The following CNTN5 variants were observed in gnomAD, a reference collection of about 807,000 sequenced individuals.
The protein encoded by CNTN5 is contactin 5.
Under a neutral mutation model 129.1 loss-of-function variants are expected in CNTN5, and 77 were observed. The ratio of observed to expected loss-of-function variants is 0.60; its 90% confidence interval spans 0.50 to 0.72. The LOEUF (loss-of-function observed/expected upper bound fraction) is 0.72. CNTN5 is among the 30% of genes least tolerant of loss of function. The probability of loss-of-function intolerance (pLI) is 0.00; values close to 1 mark genes in which losing one functional copy is unlikely to be tolerated. For synonymous variants in CNTN5, 509 were observed against 465.6 expected (o/e 1.09, Z -1.20); for missense variants, 1,478 against 1,328.8 (o/e 1.11, Z -1.75).
At chr11:100,104,982 GC>G (rs1304150366) in intron 13 of CNTN5, among the ~76,000 whole-genome samples, 8 of 152,176 alleles carry the variant, frequency 5.3e-5, no homozygotes. Context: ...GCAATAAGAA[GC>G]AGAGAAAGAT....
At chr11:99,830,641 T>A (rs1444929173) in intron 4 of CNTN5, among the ~76,000 whole-genome samples, 12 of 152,206 alleles carry the variant, frequency 7.9e-5, no homozygotes. Context: ...AAATACATCA[T>A]GTCAGTTTCC....
At chr11:99,622,252 G>A (rs1367470025) in intron 3 of CNTN5, among the ~76,000 whole-genome samples, 10 of 152,036 alleles carry the variant, frequency 6.6e-5, no homozygotes, top group East Asian at 3.9e-4. Flanking sequence ...ATATTCCAAC[G>A]ATTTAAAATA....
chr11:99,035,469 A>G (rs1863669430), intron 1 of CNTN5, among the ~76,000 whole-genome samples: 1 of 151,778 alleles, frequency 6.6e-6, no homozygotes, highest in South Asian at 2.1e-4. Flanking sequence ...TTGGGTGCAT[A>G]TATATTTAGG....
rs555776258 is a variant in CNTN5 at position 99,749,790 on chromosome 11, T to C, written c.56-69754T>C. ...GCAAGTCTATTTTAGTTATATATTA[T>C]TTTATCATGGTTCCTGGAAGGTAAG... is the stretch of plus-strand genomic sequence containing the variant. On this transcript the variant is annotated intron_variant, in intron 3 of 24. Transcript: ENST00000524871. Among the ~76,000 whole-genome samples the C allele has an allele frequency of 2.0e-5, 3 of 150,076 alleles. No homozygotes were observed. The South Asian group carries it at 6.2e-4, about 31-fold the overall frequency.
chr11:99,657,376 AATTCCAT>A (rs146109216), intron 3 of CNTN5, among the ~76,000 whole-genome samples: 5,796 of 152,106 alleles, frequency 0.038, 155 homozygotes, highest in Non-Finnish European at 0.059. Context: ...TTCCATATCC[AATTCCAT>A]ATGGTCTAAG....
chr11:99,647,209 A>C (rs2458169), intron 3 of CNTN5, among the ~76,000 whole-genome samples: 1 of 151,948 alleles, frequency 6.6e-6, no homozygotes, highest in African/African-American at 2.4e-5. Context: ...CAGTCTATTT[A>C]GTGCTTCAAT....
At chr11:99,380,691 C>T (rs957954434) in intron 2 of CNTN5, among the ~76,000 whole-genome samples, 4 of 143,344 alleles carry the variant, frequency 2.8e-5, no homozygotes, top group Non-Finnish European at 6.0e-5. Flanking sequence ...TCACTTGAAC[C>T]CGGGAGGTGG....
chr11:99,375,533 T>C (rs190160510), intron 2 of CNTN5, among the ~76,000 whole-genome samples: 23 of 152,310 alleles, frequency 1.5e-4, no homozygotes, highest in African/African-American at 5.5e-4. Context: ...TCTTGGATGA[T>C]ATTTTTGTTA....
chr11:99,127,505 C>A (rs1182271975), intron 1 of CNTN5, among the ~76,000 whole-genome samples: 1 of 152,162 alleles, frequency 6.6e-6, no homozygotes, highest in Non-Finnish European at 1.5e-5. Context: ...TCTCTTGCTC[C>A]CCACTGCCAC....
At chr11:99,031,521 A>G (rs1341368801) in intron 1 of CNTN5, among the ~76,000 whole-genome samples, 3 of 151,930 alleles carry the variant, frequency 2.0e-5, no homozygotes, top group African/African-American at 7.2e-5. Context: ...GATAGAGAGG[A>G]AAAAAAGGTG....
At chr11:99,080,980 G>GTTTTGTT (rs1555037305) in intron 1 of CNTN5, among the ~76,000 whole-genome samples, 1 of 112,462 alleles carries the variant, frequency 8.9e-6, no homozygotes, top group African/African-American at 3.3e-5. Context: ...TGAGAAATCA[G>GTTTTGTT]TTTTTTTTTT....
chr11:99,767,006 C>A (rs1944778581), intron 3 of CNTN5, among the ~76,000 whole-genome samples: 1 of 151,990 alleles, frequency 6.6e-6, no homozygotes, highest in Non-Finnish European at 1.5e-5. Context: ...GCTTGCTATC[C>A]TCTGAATCAT....
At chr11:99,449,026 G>A (rs1022913205) in intron 2 of CNTN5, among the ~76,000 whole-genome samples, 9 of 151,784 alleles carry the variant, frequency 5.9e-5, no homozygotes, top group South Asian at 4.2e-4. Flanking sequence ...CAAGCGATTC[G>A]CCTGTCTTGG....
In CNTN5 at chr11:100,296,383, G is replaced by C. The variant is rs569430319; in HGVS notation, c.2315-1242G>C. Among the ~76,000 whole-genome samples the C allele has an allele frequency of 1.1e-4, 16 of 151,186 alleles. No homozygotes were observed. In the South Asian group the frequency reaches 2.5e-3, roughly 24 times the overall value. ...GAATTCCATGTGATTTCTTGAATGA[G>C]AGAAAAAAAGGGTATCCAATTCCAT... On this transcript the variant is annotated intron_variant, in intron 18 of 24. Transcript: ENST00000524871.
intron 15 of CNTN5, among the ~76,000 whole-genome samples, chr11:100,213,767 T>G (rs906134613): frequency 1.3e-5 from 2 of 152,216 alleles, no homozygotes; most frequent in African/African-American, 4.8e-5. Flanking sequence ...ATAGTTAGCT[T>G]TTTCTGACAT....
At chr11:99,034,616 A>T (rs1207081464) in intron 1 of CNTN5, among the ~76,000 whole-genome samples, 2,516 of 148,798 alleles carry the variant, frequency 0.017, 36 homozygotes, top group African/African-American at 0.041. Context: ...GGTGGTGATA[A>T]CCCCTTTATC....
At chr11:99,799,226 C>T (rs1246100248) in intron 3 of CNTN5, among the ~76,000 whole-genome samples, 1 of 151,620 alleles carries the variant, frequency 6.6e-6, no homozygotes, top group African/African-American at 2.4e-5. Flanking sequence ...TTTTCTATTT[C>T]AGTGCCTTTT....
intron 3 of CNTN5, among the ~76,000 whole-genome samples, chr11:99,673,792 C>T (rs572474077): frequency 3.4e-4 from 51 of 151,802 alleles, no homozygotes; most frequent in African/African-American, 1.2e-3. Flanking sequence ...CATCCTTTTT[C>T]ATAGCTGCAT....
chr11:100,197,259 G>T (rs1219166253), intron 15 of CNTN5, among the ~76,000 whole-genome samples: 1 of 151,946 alleles, frequency 6.6e-6, no homozygotes, highest in Non-Finnish European at 1.5e-5. Flanking sequence ...AAGTTTAAAG[G>T]AAAGCAGCAG....
Sources: gnomAD v4.1 joint callset for allele counts (sites outside exome capture counted in the v4.1 genomes callset) on GRCh38, gnomAD v4.1.1 for gene constraint, MANE v1.5 for transcripts, NCBI Gene and HGNC (gene_info 2026-07-23, HGNC 2026-07-21) for gene names.